SNRNP40: variants seen among roughly 807,000 people sequenced by gnomAD.
The protein encoded by SNRNP40 is U5 small nuclear ribonucleoprotein 40 kDa protein.
In SNRNP40, 21 loss-of-function variants were observed where a neutral mutation model predicts 45.8. That is an observed-to-expected ratio of 0.46 (90% CI 0.32 to 0.66). The LOEUF is 0.66. SNRNP40 is among the 30% of genes least tolerant of loss of function. The pLI, the probability that SNRNP40 is intolerant of heterozygous loss-of-function variation, is 0.03. For missense variants in SNRNP40, 344 were observed against 439.1 expected (o/e 0.78, Z 1.94); for synonymous variants, 142 against 163.8 (o/e 0.87, Z 1.01).
At chr1:31,263,620 G>T in intron 8 of SNRNP40, 1 of 468,192 alleles carries the variant, frequency 2.1e-6, no homozygotes, top group Non-Finnish European at 4.2e-6. Context: ...GATTTTATGA[G>T]CTCATCTAGG....
intron 1 of SNRNP40, among the ~76,000 whole-genome samples, chr1:31,293,966 T>G (rs555349288): frequency 1.1e-4 from 17 of 152,240 alleles, no homozygotes; most frequent in Admixed American, 2.6e-4. Flanking sequence ...TTAATTTTTT[T>G]TGTGTGTTTT....
At chr1:31,269,346 G>A in intron 6 of SNRNP40, 106 bp from the exon 7 acceptor site, 1 of 1,524,688 alleles carries the variant, frequency 6.6e-7, no homozygotes, top group African/African-American at 1.4e-5. Flanking sequence ...GGCAGATGCT[G>A]TTTCCTCGGT....
intron 5 of SNRNP40, among the ~76,000 whole-genome samples, chr1:31,273,227 A>G (rs1365593357): frequency 6.6e-6 from 1 of 152,166 alleles, no homozygotes; most frequent in African/African-American, 2.4e-5. Flanking sequence ...CTAGCTTTGT[A>G]ACAACTAGGA....
chr1:31,261,721 A>G (rs1462718007), intron 8 of SNRNP40, 89 bp from the exon 9 acceptor site: 5 of 749,224 alleles, frequency 6.7e-6, no homozygotes, highest in Non-Finnish European at 1.1e-5. Flanking sequence ...TGGAAGCAAC[A>G]ATTATTTACT....
intron 7 of SNRNP40, among the ~76,000 whole-genome samples, chr1:31,268,562 C>T (rs1257732501): frequency 1.3e-5 from 2 of 151,884 alleles, no homozygotes; most frequent in Admixed American, 1.3e-4. Flanking sequence ...GCCACCATGC[C>T]AGGTCTAAAA....
chr1:31,259,617 G>C lies in SNRNP40; in HGVS notation c.*455C>G, dbSNP rs1428140209. 5.2e-6 allele frequency: 2 copies of C among 386,754 alleles called. No homozygotes were observed. The highest frequency in any genetic ancestry group is 1.4e-4 in the East Asian group (2 of 13,958). 24.0% of individuals were successfully genotyped at this position (386,754 alleles called of 1,614,324 possible). A position where few individuals can be genotyped will look rare whatever the true frequency, so the allele number is the denominator to read the frequency against. On this transcript the variant is annotated 3_prime_UTR_variant, in exon 10 of 10. Coordinates refer to ENST00000263694, the MANE Select transcript of SNRNP40 (RefSeq NM_004814.3). ...CTGTGGCCACATCATGCTCTATTCT[G>C]ATTTATAGCAATCAAGCCTCAAAAA...
At chr1:31,289,525 T>C in intron 3 of SNRNP40, 106 bp from the exon 4 acceptor site, 1 of 987,136 alleles carries the variant, frequency 1.0e-6, no homozygotes, top group Non-Finnish European at 1.5e-6. Flanking sequence ...ATCACTGACC[T>C]GCTGTGCTAC....
At position 31,289,253 on chromosome 1, in the gene SNRNP40, C is replaced by T; in HGVS notation, c.531+1G>A. ...CTGGAACACGGAGAGACAATACCCA[C>T]CTTAACTGTGCCATCGTCACTGCCA... On this transcript the variant is annotated splice_donor_variant, in intron 4 of 9. Coordinates refer to ENST00000263694, the MANE Select transcript of SNRNP40 (RefSeq NM_004814.3). LOFTEE classifies it high-confidence loss of function. 1 of 1,613,846 alleles carries T rather than the reference C, an allele frequency of 6.2e-7. No homozygotes were observed. The highest frequency in any genetic ancestry group is 8.5e-7 in the Non-Finnish European group (1 of 1,179,816).
At chr1:31,292,410 G>C (rs978006306) in intron 2 of SNRNP40, among the ~76,000 whole-genome samples, 1 of 152,118 alleles carries the variant, frequency 6.6e-6, no homozygotes, top group African/African-American at 2.4e-5. Context: ...TAGTTTGTCT[G>C]ATGAAATTAA....
At chr1:31,294,866 C>T (rs1337110081) in intron 1 of SNRNP40, among the ~76,000 whole-genome samples, 2 of 151,130 alleles carry the variant, frequency 1.3e-5, no homozygotes, top group Admixed American at 6.6e-5. Context: ...CGCTTGAACC[C>T]GGGTGGCGGA....
intron 8 of SNRNP40, among the ~76,000 whole-genome samples, chr1:31,264,126 G>A (rs2148379852): frequency 6.6e-6 from 1 of 152,158 alleles, no homozygotes; most frequent in South Asian, 2.1e-4. Flanking sequence ...CATAAAAATG[G>A]TACATTCACC....
chr1:31,290,671 A>G (rs966849521), intron 3 of SNRNP40, among the ~76,000 whole-genome samples: 1 of 151,946 alleles, frequency 6.6e-6, no homozygotes, highest in Non-Finnish European at 1.5e-5. Flanking sequence ...AGGTCAGGAG[A>G]TCGAGACCAT....
At chr1:31,277,452 G>C (rs1645983639) in intron 5 of SNRNP40, among the ~76,000 whole-genome samples, 1 of 152,104 alleles carries the variant, frequency 6.6e-6, no homozygotes, top group South Asian at 2.1e-4. Context: ...CAATAAAGTT[G>C]ATTTGTTAAA....
intron 4 of SNRNP40, among the ~76,000 whole-genome samples, chr1:31,283,509 GC>G (rs1242635227): frequency 2.6e-5 from 4 of 152,104 alleles, no homozygotes; most frequent in Admixed American, 2.6e-4. Flanking sequence ...AAGCTGAGGT[GC>G]AAGAATCACT....
At chr1:31,292,707 A>G (rs1646116087) in intron 2 of SNRNP40, 1 of 152,886 alleles carries the variant, frequency 6.5e-6, no homozygotes, top group African/African-American at 2.4e-5. Context: ...TTACTTCTCA[A>G]AAATGGGTAT....
chr1:31,271,209 T>C (rs1456665387), intron 6 of SNRNP40, 170 bp downstream of exon 6: 1 of 609,328 alleles, frequency 1.6e-6, no homozygotes, highest in East Asian at 2.9e-5. Flanking sequence ...AAATGCTGTG[T>C]GCAAAGTTGT....
intron 9 of SNRNP40, among the ~76,000 whole-genome samples, chr1:31,260,653 G>A (rs958172357): frequency 1.3e-5 from 2 of 151,708 alleles, no homozygotes; most frequent in Admixed American, 1.3e-4. Flanking sequence ...CCAGAGGTCA[G>A]GAGTTTGAGA....
intron 4 of SNRNP40, among the ~76,000 whole-genome samples, chr1:31,284,502 G>A (rs893320346): frequency 2.0e-5 from 3 of 152,136 alleles, no homozygotes; most frequent in African/African-American, 4.8e-5. Flanking sequence ...TTTTTAAAGC[G>A]TGGATAACAC....
chr1:31,261,707 G>A (rs1645860430), intron 8 of SNRNP40, 75 bp from the exon 9 acceptor site: 1 of 857,610 alleles, frequency 1.2e-6, no homozygotes, highest in South Asian at 1.5e-5. Context: ...CTTTTTAAAG[G>A]AAATGGAAGC....
Sources: allele counts gnomAD v4.1 joint callset (sites outside exome capture counted in the v4.1 genomes callset), GRCh38; gene constraint gnomAD v4.1.1; transcripts MANE v1.5; gene names NCBI Gene and HGNC (gene_info 2026-07-23, HGNC 2026-07-21).